Variants in CCZ1 observed in about 807,000 individuals in gnomAD.
CCZ1 encodes the protein vacuolar fusion protein CCZ1 homolog.
A neutral mutation model predicts 57.8 loss-of-function variants in CCZ1; 19 were observed. The ratio of observed to expected loss-of-function variants is 0.33; its 90% confidence interval spans 0.23 to 0.48. The LOEUF (loss-of-function observed/expected upper bound fraction) is 0.48, where lower values mean the gene tolerates loss of function less well. Ranked by LOEUF, CCZ1 falls within the 20% of genes least tolerant of loss-of-function variation. The pLI is 0.99. For synonymous variants in CCZ1, 81 were observed against 167.0 expected, an observed-to-expected ratio of 0.49 and a Z score of 3.97; for missense variants, 200 against 492.0, an observed-to-expected ratio of 0.41 and a Z score of 5.61.
rs1583186524 is a variant in CCZ1 at position 5,910,250 on chromosome 7, A to G, written c.780+134A>G. On this transcript the variant is annotated intron_variant, in intron 8 of 14. Coordinates refer to ENST00000325974, the MANE Select transcript of CCZ1 (RefSeq NM_015622.6). ...TTTGTCTTACTGTGATATTTGTGTC[A>G]CTGTATATCAATTAGCACAGAAAAC... is the stretch of plus-strand genomic sequence containing the variant. 3 of 776,152 alleles carry G rather than the reference A, an allele frequency of 3.9e-6. No homozygotes were observed. The East Asian group carries it at 8.8e-5, about 23-fold the overall frequency. The allele number at this position is 776,152 out of a possible 1,614,324, so 48.1% of individuals were successfully genotyped here. A position where few individuals can be genotyped will look rare whatever the true frequency, so the allele number is the denominator to read the frequency against.
chr7:5,914,446 A>AC lies in CCZ1; in HGVS notation c.954+1493dup, dbSNP rs1403194418. The stretch of plus-strand genomic sequence containing the variant: ...GTGAAACCCTCTCAAAAATAATGAA[A>AC]CTGGTATCAACAGTTTCATATCCAG... On this transcript the variant is annotated intron_variant, in intron 10 of 14. Transcript: ENST00000325974. 1.3e-5 allele frequency among the ~76,000 whole-genome samples: 2 copies of AC among 148,550 alleles called. 1 individual carries two copies. The highest frequency in any genetic ancestry group is 3.0e-5 in the Non-Finnish European group (2 of 67,640).
intron 12 of CCZ1, among the ~76,000 whole-genome samples, chr7:5,923,007 G>T (rs550958756): frequency 2.6e-4 from 38 of 145,938 alleles, no homozygotes; most frequent in Non-Finnish European, 4.2e-4. Context: ...CGAGGTTCCC[G>T]TGAAACTTTG....
chr7:5,912,703 A>G lies in CCZ1; in HGVS notation c.843-140A>G, dbSNP rs566212714. 9.2e-6 allele frequency: 9 copies of G among 975,472 alleles called. 1 individual carries two copies. The East Asian group carries it at 1.0e-4, about 11-fold the overall frequency. The allele number at this position is 975,472 out of a possible 1,614,324, so 60.4% of individuals were successfully genotyped here. On this transcript the variant is annotated intron_variant, in intron 9 of 14. Transcript: ENST00000325974. Reference sequence around the variant, plus strand: ...GCATGAGCCACCACGCCCAGCCAGCATATTCTGATATGGTGTTTGCCAAAT... The same window carrying G: ...GCATGAGCCACCACGCCCAGCCAGCGTATTCTGATATGGTGTTTGCCAAAT...
chr7:5,908,167 T>G (rs1781879481), intron 7 of CCZ1, among the ~76,000 whole-genome samples: 1 of 143,666 alleles, frequency 7.0e-6, no homozygotes, highest in African/African-American at 2.6e-5. Context: ...TTATATTAAA[T>G]ACCAAAAAGA....
In CCZ1 at chr7:5,898,875, A is replaced by G. The variant is rs1416375105; in HGVS notation, c.76A>G (p.Ser26Gly). The G allele has an allele frequency of 7.7e-6, 4 of 519,250 alleles. No homozygotes were observed. Among genetic ancestry groups the G allele is most frequent in the Non-Finnish European group, 9.2e-6 (3 of 325,882 alleles). 32.2% of individuals were successfully genotyped at this position (519,250 alleles called of 1,614,324 possible). Reference protein sequence around the residue: ...QEKQFPPALLSFFIYNPRFGP... With the variant: ...QEKQFPPALLGFFIYNPRFGP... The stretch of plus-strand genomic sequence containing the variant: ...GAAGCAGTTCCCGCCGGCGCTGCTG[A>G]GTTTCTTCATCTACAACCCGCGCTT... The change falls in exon 1 of 15, where the codon AGT becomes GGT. Residue 26 changes from serine to glycine, a missense_variant. This residue lies in a region of CCZ1 where 44 missense variants were observed against 122.8 expected (regional missense o/e 0.36). Coordinates refer to ENST00000325974, the MANE Select transcript of CCZ1 (RefSeq NM_015622.6).
chr7:5,920,504 C>G (rs1366910091), intron 12 of CCZ1, among the ~76,000 whole-genome samples: 1 of 80,554 alleles, frequency 1.2e-5, no homozygotes, highest in Non-Finnish European at 2.5e-5. Flanking sequence ...AATTCCCACT[C>G]TGTCGCCCAG....
At chr7:5,899,785 C>T (rs551134589) in intron 1 of CCZ1, among the ~76,000 whole-genome samples, 3 of 151,762 alleles carry the variant, frequency 2.0e-5, no homozygotes, top group South Asian at 4.2e-4. Context: ...AAAAAAGCAA[C>T]TTGTCAGTTC....
intron 8 of CCZ1, among the ~76,000 whole-genome samples, chr7:5,911,407 G>C (rs1353297885): frequency 6.7e-6 from 1 of 148,514 alleles, no homozygotes; most frequent in Admixed American, 6.6e-5. Flanking sequence ...GGCTCAAGCG[G>C]TCGTGTCACC....
chr7:5,910,605 C>T (rs1020249294), intron 8 of CCZ1, among the ~76,000 whole-genome samples: 5 of 143,374 alleles, frequency 3.5e-5, no homozygotes, highest in African/African-American at 1.3e-4. Context: ...GGATTACAGG[C>T]GTGAGCCACC....
chr7:5,909,955 G>A (rs1781931298), intron 7 of CCZ1, 80 bp from the exon 8 acceptor site: 1 of 1,294,900 alleles, frequency 7.7e-7, no homozygotes, highest in Non-Finnish European at 1.1e-6. Flanking sequence ...AAAAATTTTT[G>A]TTTAATGAGC....
rs564670311 is a variant in CCZ1, at chr7:5,914,235, C to T, written c.954+1281C>T. On this transcript the variant is annotated intron_variant, in intron 10 of 14. Transcript: ENST00000325974. ...ATCACTTGAGGCCAGGAGTTGGAGG[C>T]CAGCCTGGGCAACATAGTAAGACCC... Among the ~76,000 whole-genome samples the T allele has an allele frequency of 7.5e-5, 11 of 146,500 alleles. No individual in the cohort carries two copies. The South Asian group carries it at 1.6e-3, about 21-fold the overall frequency.
At chr7:5,903,254 G>GC (rs150154252) in intron 6 of CCZ1, among the ~76,000 whole-genome samples, 3,323 of 145,316 alleles carry the variant, frequency 0.023, 153 homozygotes, top group Middle Eastern at 0.09. Flanking sequence ...ATTGAATTTT[G>GC]CATGTTTCAC....
Position 5,904,073 on chromosome 7 carries a change from T to G in CCZ1, c.523-1021T>G, listed in dbSNP as rs1056333599. ...TAGGTTAGTCTAATTTGAAGAGCAT[T>G]AAGGCAGGGAGTTAATTTTTTTTTT... On this transcript the variant is annotated intron_variant, in intron 6 of 14. Coordinates refer to ENST00000325974, the MANE Select transcript of CCZ1 (RefSeq NM_015622.6). Among the ~76,000 whole-genome samples the G allele has an allele frequency of 5.9e-5, 8 of 134,524 alleles. 1 individual carries two copies. The highest frequency in any genetic ancestry group is 2.3e-4 in the African/African-American group (8 of 34,076). The allele number at this position is 134,524 out of a possible 152,430, so 88.3% of individuals were successfully genotyped here.
At chr7:5,902,802 A>C (rs1270424054) in intron 6 of CCZ1, 58 bp downstream of exon 6, 3 of 1,559,962 alleles carry the variant, frequency 1.9e-6, no homozygotes, top group African/African-American at 2.8e-5. Context: ...TTTTTAGAGA[A>C]ATATAGACAG....
intron 7 of CCZ1, among the ~76,000 whole-genome samples, chr7:5,907,896 A>T (rs1361180656): frequency 7.9e-6 from 1 of 127,238 alleles, no homozygotes; most frequent in Non-Finnish European, 1.6e-5. Flanking sequence ...CAGGAGTTCA[A>T]GACCAGCCTG....
intron 7 of CCZ1, among the ~76,000 whole-genome samples, chr7:5,907,378 C>T (rs79129322): frequency 6.7e-6 from 1 of 149,402 alleles, no homozygotes; most frequent in Non-Finnish European, 1.5e-5. Flanking sequence ...GCAAGTCACA[C>T]GCAGCCACAG....
rs1489826358 is a variant in CCZ1, at chr7:5,903,548, T to A, written c.522+804T>A. On this transcript the variant is annotated intron_variant, in intron 6 of 14. Transcript: ENST00000325974. ...GAATTTTTTTGTTTCTCTGAATTAC[T>A]TTTCTTTGTTTTGTCATTTTAATGA... Among the ~76,000 whole-genome samples the A allele has an allele frequency of 1.4e-4, 3 of 21,596 alleles. 1 individual carries two copies. The highest frequency in any genetic ancestry group is 2.3e-4 in the Non-Finnish European group (3 of 13,156). 14.2% of individuals were successfully genotyped at this position (21,596 alleles called of 152,430 possible). A position where few individuals can be genotyped will look rare whatever the true frequency, so the allele number is the denominator to read the frequency against.
At chr7:5,899,725 G>A (rs1310781653) in intron 1 of CCZ1, among the ~76,000 whole-genome samples, 3 of 150,788 alleles carry the variant, frequency 2.0e-5, no homozygotes, top group African/African-American at 7.3e-5. Context: ...CTGTAATAGC[G>A]CCACTGCACT....
chr7:5,923,080 A>G (rs1377302966), intron 12 of CCZ1, among the ~76,000 whole-genome samples: 2 of 121,560 alleles, frequency 1.6e-5, no homozygotes, highest in Admixed American at 1.6e-4. Context: ...GCACTTTGGG[A>G]GGCCAAGGCG....
Sources: allele counts gnomAD v4.1 joint callset (sites outside exome capture counted in the v4.1 genomes callset), GRCh38; gene constraint gnomAD v4.1.1; regional missense constraint gnomAD v4.1.1; transcripts MANE v1.5; gene names NCBI Gene and HGNC (gene_info 2026-07-23, HGNC 2026-07-21).